SGCZ: variants seen among roughly 807,000 people sequenced by gnomAD.
The protein encoded by SGCZ is sarcoglycan zeta, also known as zeta-sarcoglycan.
A neutral mutation model predicts 41.3 loss-of-function variants in SGCZ; 40 were observed. The observed-to-expected ratio is 0.97, with a 90% CI of 0.75 to 1.26. The LOEUF is 1.26. Among genes scored for constraint, SGCZ ranks in the 50% most tolerant of loss-of-function variants. The pLI, the probability that SGCZ is intolerant of heterozygous loss-of-function variation, is 0.00. For missense variants in SGCZ, 552 were observed against 369.8 expected (o/e 1.49, Z -4.04); for synonymous variants, 206 against 137.5 (o/e 1.50, Z -3.49).
Position 15,172,154 on chromosome 8 carries a change from G to GTTTT in SGCZ, c.39+65427_39+65430dup, listed in dbSNP as rs1183210302. 7.4e-3 allele frequency among the ~76,000 whole-genome samples: 530 copies of GTTTT among 71,688 alleles called. 14 individuals carry two copies. Among genetic ancestry groups the GTTTT allele is most frequent in the African/African-American group, 0.018 (355 of 19,528 alleles). The allele number at this position is 71,688 out of a possible 152,430, so 47.0% of individuals were successfully genotyped here. On this transcript the variant is annotated intron_variant, in intron 1 of 7. Coordinates refer to ENST00000382080, the MANE Select transcript of SGCZ (RefSeq NM_139167.4). ...AGGAAAAAAATGCCTTTTATACTCTGTTTTTTTTTTTTTTTTTTTTTTTTT... is the reference window on the plus strand; with the variant it reads ...AGGAAAAAAATGCCTTTTATACTCTGTTTTTTTTTTTTTTTTTTTTTTTTTTTTT...
At chr8:15,215,033 T>C (rs915403280) in intron 1 of SGCZ, among the ~76,000 whole-genome samples, 2 of 152,214 alleles carry the variant, frequency 1.3e-5, no homozygotes, top group Non-Finnish European at 2.9e-5. Context: ...ATGAGCAGGA[T>C]AGTTTGCATC....
chr8:14,288,799 G>A (rs1342476897), intron 3 of SGCZ, among the ~76,000 whole-genome samples: 1 of 152,094 alleles, frequency 6.6e-6, no homozygotes, highest in Non-Finnish European at 1.5e-5. Context: ...TGTAAAGTTA[G>A]GAGTAGAATT....
intron 1 of SGCZ, among the ~76,000 whole-genome samples, chr8:14,910,702 G>C (rs767569728): frequency 5.3e-5 from 8 of 151,624 alleles, no homozygotes; most frequent in Non-Finnish European, 1.2e-4. Flanking sequence ...AAAGCACTTT[G>C]CCCAAAATTT....
At chr8:15,060,298 A>G (rs138593062) in intron 1 of SGCZ, among the ~76,000 whole-genome samples, 23,091 of 152,092 alleles carry the variant, frequency 0.15, 1,902 homozygotes, top group Middle Eastern at 0.25. Flanking sequence ...GACTGGATTA[A>G]GAAAATGTGG....
chr8:14,844,566 C>T (rs1302573294), intron 1 of SGCZ, among the ~76,000 whole-genome samples: 1 of 152,120 alleles, frequency 6.6e-6, no homozygotes, highest in Non-Finnish European at 1.5e-5. Context: ...CTCCTCTCAT[C>T]CAGCTGACAT....
At chr8:14,580,500 A>G (rs564175740) in intron 1 of SGCZ, among the ~76,000 whole-genome samples, 2 of 152,328 alleles carry the variant, frequency 1.3e-5, no homozygotes, top group South Asian at 2.1e-4. Flanking sequence ...TCTAAGGGAA[A>G]TATTTAGAGG....
chr8:14,353,773 C>A (rs938756190), intron 2 of SGCZ, among the ~76,000 whole-genome samples: 2 of 151,908 alleles, frequency 1.3e-5, no homozygotes, highest in Non-Finnish European at 2.9e-5. Flanking sequence ...TTTTACCAAC[C>A]TGTTTAAAAT....
chr8:14,484,000 G>T (rs1287413504), intron 2 of SGCZ, among the ~76,000 whole-genome samples: 1 of 152,018 alleles, frequency 6.6e-6, no homozygotes, highest in African/African-American at 2.4e-5. Context: ...CCAACTTTTT[G>T]CAGTTTCTAC....
At chr8:14,532,535 A>G (rs1803164199) in intron 2 of SGCZ, among the ~76,000 whole-genome samples, 1 of 151,964 alleles carries the variant, frequency 6.6e-6, no homozygotes. Context: ...AGATAAAGAG[A>G]GCTAACTGTT....
chr8:14,728,961 C>T (rs1271461441), intron 1 of SGCZ, among the ~76,000 whole-genome samples: 1 of 152,102 alleles, frequency 6.6e-6, no homozygotes, highest in Admixed American at 6.5e-5. Context: ...TCCTTTCATG[C>T]GAAGTCAATG....
chr8:14,530,129 A>G lies in SGCZ; in HGVS notation c.234+24603T>C, dbSNP rs904155625. 2.0e-5 allele frequency among the ~76,000 whole-genome samples: 3 copies of G among 152,174 alleles called. No individual in the cohort carries two copies. In the East Asian group the frequency reaches 5.8e-4, roughly 29 times the overall value. On this transcript the variant is annotated intron_variant, in intron 2 of 7. Coordinates refer to ENST00000382080, the MANE Select transcript of SGCZ (RefSeq NM_139167.4). ...AGTATACAAAACCATGCATTTGCGT[A>G]TTATGGTATTACAGATAATCATCTG... is the stretch of plus-strand genomic sequence containing the variant.
chr8:15,140,701 T>C (rs1378831180), intron 1 of SGCZ, among the ~76,000 whole-genome samples: 3 of 152,318 alleles, frequency 2.0e-5, no homozygotes, highest in Non-Finnish European at 4.4e-5. Context: ...ATAATATTTG[T>C]CTCTATAGGC....
intron 2 of SGCZ, among the ~76,000 whole-genome samples, chr8:14,458,348 A>T (rs963208161): frequency 6.6e-6 from 1 of 152,222 alleles, no homozygotes; most frequent in Non-Finnish European, 1.5e-5. Flanking sequence ...ATAATGCCAA[A>T]GACAAAAATG....
At chr8:14,580,514 G>C (rs1804852477) in intron 1 of SGCZ, among the ~76,000 whole-genome samples, 1 of 152,136 alleles carries the variant, frequency 6.6e-6, no homozygotes, top group African/African-American at 2.4e-5. Context: ...TTAGAGGATA[G>C]TGTTAGTATA....
In SGCZ at chr8:14,208,389, G is replaced by A. The variant is rs1226281351; in HGVS notation, c.424+29203C>T. Among the ~76,000 whole-genome samples the A allele has an allele frequency of 3.9e-5, 6 of 152,262 alleles. No homozygotes were observed. In the East Asian group the frequency reaches 1.2e-3, roughly 29 times the overall value. ...GTAGTAATTTTGGATTCTGTGTCAA[G>A]GTAATATTATTCTAAACATCCCAAA... On this transcript the variant is annotated intron_variant, in intron 4 of 7. Coordinates refer to ENST00000382080, the MANE Select transcript of SGCZ (RefSeq NM_139167.4).
At chr8:14,313,126 G>C (rs768555586) in intron 3 of SGCZ, among the ~76,000 whole-genome samples, 3 of 152,146 alleles carry the variant, frequency 2.0e-5, no homozygotes, top group Non-Finnish European at 4.4e-5. Flanking sequence ...AGCTGTGAGA[G>C]TATTCTAATG....
At chr8:14,700,620 T>C (rs1809104886) in intron 1 of SGCZ, among the ~76,000 whole-genome samples, 1 of 151,914 alleles carries the variant, frequency 6.6e-6, no homozygotes, top group East Asian at 1.9e-4. Flanking sequence ...TAAAAGTTGA[T>C]TCAAAAATCA....
chr8:15,044,199 A>T (rs1225699113), intron 1 of SGCZ, among the ~76,000 whole-genome samples: 2 of 152,190 alleles, frequency 1.3e-5, no homozygotes, highest in African/African-American at 4.8e-5. Context: ...TCAGTATCAT[A>T]GGCTACAAAA....
At chr8:15,132,757 C>A (rs553639296) in intron 1 of SGCZ, among the ~76,000 whole-genome samples, 1 of 152,258 alleles carries the variant, frequency 6.6e-6, no homozygotes, top group East Asian at 1.9e-4. Flanking sequence ...TACACCATGG[C>A]AGTCAGCAAA....
Sources: gnomAD v4.1 joint callset for allele counts (sites outside exome capture counted in the v4.1 genomes callset) on GRCh38, gnomAD v4.1.1 for gene constraint, MANE v1.5 for transcripts, NCBI Gene and HGNC (gene_info 2026-07-23, HGNC 2026-07-21) for gene names.